Variants in SNX29 observed in about 807,000 individuals in gnomAD.
The protein encoded by SNX29 is sorting nexin 29, also known as sorting nexin-29.
A neutral mutation model predicts 102.1 loss-of-function variants in SNX29; 78 were observed. That is an observed-to-expected ratio of 0.76 (90% confidence interval 0.64 to 0.92). The LOEUF (loss-of-function observed/expected upper bound fraction) is 0.92. SNX29 is among the 40% of genes least tolerant of loss of function. The pLI is 0.00. For missense variants in SNX29, 1,280 were observed against 1,061.7 expected, an observed-to-expected ratio of 1.21 and a Z score of -2.86; for synonymous variants, 580 against 414.5, an observed-to-expected ratio of 1.40 and a Z score of -4.85.
chr16:12,455,483 G>A (rs1163931005), intron 18 of SNX29, among the ~76,000 whole-genome samples: 2 of 152,150 alleles, frequency 1.3e-5, no homozygotes, highest in Non-Finnish European at 2.9e-5. Flanking sequence ...CCAGAGCCCT[G>A]GCCAAGGAAG....
At chr16:12,469,085 C>G (rs113288378) in intron 18 of SNX29, among the ~76,000 whole-genome samples, 3,027 of 152,292 alleles carry the variant, frequency 0.02, 48 homozygotes, top group Middle Eastern at 0.041. Context: ...CTGGCTGGGT[C>G]TCTGCCACAT....
chr16:12,532,780 G>A (rs2076966751), intron 20 of SNX29, among the ~76,000 whole-genome samples: 1 of 152,168 alleles, frequency 6.6e-6, no homozygotes, highest in South Asian at 2.1e-4. Context: ...GAGTCCATGG[G>A]GCAGAGGCAG....
chr16:12,300,492 G>A (rs950746264), intron 15 of SNX29, among the ~76,000 whole-genome samples: 2 of 152,070 alleles, frequency 1.3e-5, no homozygotes, highest in African/African-American at 4.8e-5. Flanking sequence ...TAGTGTTTAT[G>A]AACGACTTAA....
chr16:12,147,263 G>A (rs2055102726), intron 13 of SNX29, among the ~76,000 whole-genome samples: 2 of 152,174 alleles, frequency 1.3e-5, no homozygotes, highest in African/African-American at 4.8e-5. Context: ...GCTGTTAAGG[G>A]AAAAGGGAGA....
At chr16:12,523,557 G>T (rs1190589538) in intron 19 of SNX29, among the ~76,000 whole-genome samples, 1 of 152,206 alleles carries the variant, frequency 6.6e-6, no homozygotes, top group African/African-American at 2.4e-5. Flanking sequence ...AATGTGTGGG[G>T]CCCAGGCCAA....
Position 12,383,103 on chromosome 16 carries a change from A to G in SNX29, c.1900-15343A>G, listed in dbSNP as rs138655251. ...GAAGATACAAGTAATACATGAAGAC[A>G]TTCTCAATATAAGCCTTTAGACATT... On this transcript the variant is annotated intron_variant, in intron 16 of 20. Transcript: ENST00000566228. 4.0e-3 allele frequency among the ~76,000 whole-genome samples: 605 copies of G among 152,344 alleles called. 4 individuals are homozygous for G. The highest frequency in any genetic ancestry group is 0.014 in the African/African-American group (578 of 41,582).
intron 20 of SNX29, among the ~76,000 whole-genome samples, chr16:12,538,196 A>G (rs1248493655): frequency 1.3e-5 from 2 of 152,100 alleles, no homozygotes; most frequent in South Asian, 2.1e-4. Flanking sequence ...GCTCACCGCA[A>G]GCTCTGTGTT....
chr16:12,377,822 A>G (rs988092689), intron 16 of SNX29, among the ~76,000 whole-genome samples: 3 of 152,232 alleles, frequency 2.0e-5, no homozygotes, highest in Admixed American at 1.3e-4. Context: ...CTTTGAACTC[A>G]GGATCAAAGA....
chr16:12,332,351 T>C (rs762489374), intron 15 of SNX29, among the ~76,000 whole-genome samples: 1 of 152,202 alleles, frequency 6.6e-6, no homozygotes, highest in Non-Finnish European at 1.5e-5. Flanking sequence ...GCTCCGTCAT[T>C]TTCCATAGTT....
rs1362729954 is a variant in SNX29, at chr16:12,566,507, C to T, written c.2319-1999C>T. Among the ~76,000 whole-genome samples the T allele has an allele frequency of 2.6e-5, 4 of 152,340 alleles. No individual in the cohort carries two copies. In the South Asian group the frequency reaches 8.3e-4, roughly 32 times the overall value. On this transcript the variant is annotated intron_variant, in intron 20 of 20. Transcript: ENST00000566228. ...ATGATGGTGGTTGCAGGCTAAGTGG[C>T]TGCTCAGACCCCGCATCTGAAGAGC... is the stretch of plus-strand genomic sequence containing the variant.
chr16:12,208,229 C>T (rs1253900590), intron 14 of SNX29, among the ~76,000 whole-genome samples: 1 of 152,202 alleles, frequency 6.6e-6, no homozygotes, highest in Non-Finnish European at 1.5e-5. Context: ...CGGAAGTGTT[C>T]TCTCTGGCCG....
chr16:11,985,732 A>G (rs949600515), intron 1 of SNX29, among the ~76,000 whole-genome samples: 1 of 151,376 alleles, frequency 6.6e-6, no homozygotes, highest in African/African-American at 2.4e-5. Flanking sequence ...GTAATTTTGG[A>G]TGGGGTGGTT....
intron 3 of SNX29, among the ~76,000 whole-genome samples, chr16:12,007,629 G>A (rs1436208256): frequency 1.3e-5 from 2 of 152,160 alleles, no homozygotes; most frequent in Non-Finnish European, 2.9e-5. Context: ...TAGCTGGCCC[G>A]GCCCTGGAGT....
rs543609265 is a variant in SNX29, at chr16:12,561,268, G to A, written c.2319-7238G>A. ...CTCCCTCCCACTCCACAGATCCAAG[G>A]GGCTAAGACACAGGGAGAACATTCT... On this transcript the variant is annotated intron_variant, in intron 20 of 20. Coordinates refer to ENST00000566228, the MANE Select transcript of SNX29 (RefSeq NM_032167.5). 149 of 230,152 alleles carry A rather than the reference G, an allele frequency of 6.5e-4. 1 individual carries two copies. The highest frequency in any genetic ancestry group is 1.2e-4 in the Non-Finnish European group (14 of 116,136). 14.3% of individuals were successfully genotyped at this position (230,152 alleles called of 1,614,324 possible).
intron 15 of SNX29, among the ~76,000 whole-genome samples, chr16:12,307,029 C>T (rs1292461836): frequency 1.3e-5 from 2 of 151,948 alleles, no homozygotes; most frequent in Non-Finnish European, 2.9e-5. Context: ...TAGTATGGGC[C>T]TTACAAGGGA....
At chr16:12,498,670 G>T (rs1011255755) in intron 19 of SNX29, among the ~76,000 whole-genome samples, 1 of 152,220 alleles carries the variant, frequency 6.6e-6, no homozygotes, top group African/African-American at 2.4e-5. Flanking sequence ...AAGCAAACAT[G>T]TAGGTAGTCT....
intron 2 of SNX29, among the ~76,000 whole-genome samples, chr16:11,999,746 C>T (rs777148893): frequency 6.6e-6 from 1 of 151,952 alleles, no homozygotes; most frequent in African/African-American, 2.4e-5. Context: ...TATAAAAATA[C>T]AAAAATTAGC....
intron 13 of SNX29, among the ~76,000 whole-genome samples, chr16:12,149,431 G>A (rs1463861812): frequency 6.6e-6 from 1 of 152,232 alleles, no homozygotes; most frequent in Admixed American, 6.5e-5. Flanking sequence ...TCTGTGCTTA[G>A]TGCCTGGTAC....
intron 18 of SNX29, among the ~76,000 whole-genome samples, chr16:12,435,271 A>T (rs927390351): frequency 6.6e-6 from 1 of 152,238 alleles, no homozygotes; most frequent in Non-Finnish European, 1.5e-5. Context: ...CTTAGCCAGT[A>T]TTGAGAATAA....
Sources: allele counts gnomAD v4.1 joint callset (sites outside exome capture counted in the v4.1 genomes callset), GRCh38; gene constraint gnomAD v4.1.1; transcripts MANE v1.5; gene names NCBI Gene and HGNC (gene_info 2026-07-23, HGNC 2026-07-21).